MAGI2: variants seen among roughly 807,000 people sequenced by gnomAD.
MAGI2 encodes membrane-associated guanylate kinase, WW and PDZ domain-containing protein 2.
In MAGI2, 35 loss-of-function variants were observed where a neutral mutation model predicts 133.3. The ratio of observed to expected loss-of-function variants is 0.26; its 90% CI spans 0.20 to 0.35. The LOEUF (loss-of-function observed/expected upper bound fraction) is 0.35, where lower values mean the gene tolerates loss of function less well. Ranked by LOEUF, MAGI2 falls within the 10% of genes least tolerant of loss-of-function variation. The probability of loss-of-function intolerance (pLI) is 1.00; values close to 1 mark genes in which losing one functional copy is unlikely to be tolerated. For missense variants in MAGI2, 1,636 were observed against 1,863.4 expected, an observed-to-expected ratio of 0.88 and a Z score of 2.25; for synonymous variants, 729 against 710.6, an observed-to-expected ratio of 1.03 and a Z score of -0.41.
chr7:78,019,157 A>C lies in MAGI2; in HGVS notation c.*158T>G. On this transcript the variant is annotated 3_prime_UTR_variant, in exon 22 of 22. Coordinates refer to ENST00000354212, the MANE Select transcript of MAGI2 (RefSeq NM_012301.4). ...CTGCGCGTTGATGCGATGCCGCCCAAGCACACCGGACACGTGGGACTTCAC... is the reference window on the plus strand; with the variant it reads ...CTGCGCGTTGATGCGATGCCGCCCACGCACACCGGACACGTGGGACTTCAC... 1.2e-6 allele frequency: 1 copy of C among 849,218 alleles called. No homozygotes were observed. The highest frequency in any genetic ancestry group is 1.6e-5 in the South Asian group (1 of 60,830). 52.6% of individuals were successfully genotyped at this position (849,218 alleles called of 1,614,324 possible).
At chr7:78,495,889 A>G (rs997763465) in intron 5 of MAGI2, among the ~76,000 whole-genome samples, 8 of 152,158 alleles carry the variant, frequency 5.3e-5, no homozygotes, top group African/African-American at 1.9e-4. Flanking sequence ...AAGAAAAAAA[A>G]TATATGAAAA....
chr7:78,863,203 G>A (rs1227067136), intron 2 of MAGI2, among the ~76,000 whole-genome samples: 2 of 152,228 alleles, frequency 1.3e-5, no homozygotes, highest in African/African-American at 4.8e-5. Flanking sequence ...GGCAATGGAG[G>A]GAAGGCCTCC....
In MAGI2 at chr7:79,028,287, ATATATGTGTG is replaced by A. The variant is rs1562805481; in HGVS notation, c.302-21091_302-21082del. ...TATATATGTATGTATGTATATATAT[ATATATGTGTG>A]TATATATATATATATACACACATAT... On this transcript the variant is annotated intron_variant, in intron 1 of 21. Transcript: ENST00000354212. Among the ~76,000 whole-genome samples the A allele has an allele frequency of 4.0e-3, 220 of 54,692 alleles. 7 individuals are homozygous for A. The highest frequency in any genetic ancestry group is 0.011 in the African/African-American group (169 of 15,284). The allele number at this position is 54,692 out of a possible 152,430, so 35.9% of individuals were successfully genotyped here. A position where few individuals can be genotyped will look rare whatever the true frequency, so the allele number is the denominator to read the frequency against.
chr7:79,442,467 T>TGC (rs1848557831), intron 1 of MAGI2, among the ~76,000 whole-genome samples: 1 of 151,772 alleles, frequency 6.6e-6, no homozygotes, highest in Admixed American at 6.6e-5. Context: ...TGTGTGTGTG[T>TGC]GTGTGTGTGT....
intron 3 of MAGI2, among the ~76,000 whole-genome samples, chr7:78,591,740 C>A (rs149035091): frequency 3.3e-5 from 5 of 152,316 alleles, no homozygotes; most frequent in African/African-American, 1.2e-4. Flanking sequence ...ACACAGAGAT[C>A]ACAGTCAATG....
At chr7:78,433,829 C>T (rs183555263) in intron 6 of MAGI2, among the ~76,000 whole-genome samples, 182 of 152,190 alleles carry the variant, frequency 1.2e-3, no homozygotes, top group African/African-American at 4.2e-3. Context: ...AGTCTATGCA[C>T]ATATAGTCCA....
At chr7:78,959,095 C>T (rs768869046) in intron 2 of MAGI2, among the ~76,000 whole-genome samples, 1 of 152,098 alleles carries the variant, frequency 6.6e-6, no homozygotes, top group African/African-American at 2.4e-5. Flanking sequence ...AACTGGAATC[C>T]TCTTTTTTAT....
intron 2 of MAGI2, among the ~76,000 whole-genome samples, chr7:78,897,408 A>G (rs1200698526): frequency 1.3e-5 from 2 of 152,178 alleles, no homozygotes; most frequent in Non-Finnish European, 2.9e-5. Flanking sequence ...CCAGAATCCA[A>G]CAGTGTCAGA....
chr7:78,087,957 C>T (rs1377200864), intron 20 of MAGI2, among the ~76,000 whole-genome samples: 1 of 152,204 alleles, frequency 6.6e-6, no homozygotes, highest in Admixed American at 6.5e-5. Flanking sequence ...GGGGCAATAT[C>T]TTAAAATTAT....
At chr7:78,042,451 T>C (rs1471368129) in intron 21 of MAGI2, among the ~76,000 whole-genome samples, 1 of 152,190 alleles carries the variant, frequency 6.6e-6, no homozygotes, top group Non-Finnish European at 1.5e-5. Flanking sequence ...TGGAGGGTTA[T>C]AGGCTGATCA....
intron 10 of MAGI2, among the ~76,000 whole-genome samples, chr7:78,205,981 A>C (rs1829692073): frequency 6.6e-6 from 1 of 152,184 alleles, no homozygotes; most frequent in Non-Finnish European, 1.5e-5. Flanking sequence ...ACAAAAGGCC[A>C]TTTTCAAACT....
chr7:78,952,798 T>C (rs574740923), intron 2 of MAGI2, among the ~76,000 whole-genome samples: 1 of 152,320 alleles, frequency 6.6e-6, no homozygotes, highest in East Asian at 1.9e-4. Context: ...CAAAACATCC[T>C]GATATTTTAA....
At chr7:78,079,111 A>T (rs1410194917) in intron 20 of MAGI2, 26 bp from the exon 21 acceptor site, 1 of 1,610,036 alleles carries the variant, frequency 6.2e-7, no homozygotes, top group Admixed American at 1.7e-5. Context: ...AAATTAAGTC[A>T]GCCAAAGATG....
chr7:78,366,182 A>G (rs1793359457), intron 7 of MAGI2, among the ~76,000 whole-genome samples: 1 of 152,174 alleles, frequency 6.6e-6, no homozygotes. Context: ...CATTTTCTTG[A>G]CTATATATTA....
At chr7:78,612,541 CT>C (rs1385686644) in intron 3 of MAGI2, among the ~76,000 whole-genome samples, 1 of 152,086 alleles carries the variant, frequency 6.6e-6, no homozygotes, top group Non-Finnish European at 1.5e-5. Context: ...AGGCAATACC[CT>C]TATATACTTA....
intron 2 of MAGI2, among the ~76,000 whole-genome samples, chr7:78,767,423 C>T (rs1204700590): frequency 6.6e-6 from 1 of 151,924 alleles, no homozygotes; most frequent in Non-Finnish European, 1.5e-5. Flanking sequence ...GTGCCACAAG[C>T]TGTGTGACTA....
chr7:78,037,469 G>A (rs1228689942), intron 21 of MAGI2, among the ~76,000 whole-genome samples: 3 of 152,128 alleles, frequency 2.0e-5, no homozygotes, highest in Non-Finnish European at 4.4e-5. Context: ...TTTTATTTCT[G>A]CGAACAGTCC....
intron 3 of MAGI2, among the ~76,000 whole-genome samples, chr7:78,584,037 C>A (rs1366687844): frequency 6.6e-6 from 1 of 152,084 alleles, no homozygotes; most frequent in East Asian, 1.9e-4. Context: ...CTTATGTAAC[C>A]CATGTGTGAT....
intron 1 of MAGI2, among the ~76,000 whole-genome samples, chr7:79,384,052 G>A (rs534226158): frequency 2.0e-5 from 3 of 151,406 alleles, no homozygotes; most frequent in African/African-American, 4.8e-5. Context: ...TTATTTAATG[G>A]TTTGGGGGTA....
Sources: allele counts gnomAD v4.1 joint callset (sites outside exome capture counted in the v4.1 genomes callset), GRCh38; gene constraint gnomAD v4.1.1; transcripts MANE v1.5; gene names NCBI Gene and HGNC (gene_info 2026-07-23, HGNC 2026-07-21).